The following BRINP3 variants were observed in gnomAD, a reference collection of about 807,000 sequenced individuals.
BRINP3 encodes the protein BMP/retinoic acid-inducible neural-specific protein 3.
Under a neutral mutation model 71.0 loss-of-function variants are expected in BRINP3, and 19 were observed. The observed-to-expected ratio is 0.27, with a 90% CI of 0.19 to 0.39. The LOEUF (loss-of-function observed/expected upper bound fraction) is 0.39, where lower values mean the gene tolerates loss of function less well. Ranked by LOEUF, BRINP3 falls within the 10% of genes least tolerant of loss-of-function variation. The pLI, the probability that BRINP3 is intolerant of heterozygous loss-of-function variation, is 1.00. For missense variants in BRINP3, 959 were observed against 940.8 expected (o/e 1.02, Z -0.25); for synonymous variants, 380 against 337.7 (o/e 1.13, Z -1.37).
intron 6 of BRINP3, among the ~76,000 whole-genome samples, chr1:190,178,906 G>T (rs1380180415): frequency 6.6e-6 from 1 of 152,090 alleles, no homozygotes; most frequent in Non-Finnish European, 1.5e-5. Context: ...AGAATTATTT[G>T]AAATATTTCC....
intron 4 of BRINP3, among the ~76,000 whole-genome samples, chr1:190,254,917 T>G (rs531827687): frequency 1.3e-5 from 2 of 152,290 alleles, no homozygotes; most frequent in Non-Finnish European, 2.9e-5. Flanking sequence ...TTGCCATAAA[T>G]AACTCTTATT....
At chr1:190,316,723 T>C (rs562350822) in intron 2 of BRINP3, among the ~76,000 whole-genome samples, 2 of 152,100 alleles carry the variant, frequency 1.3e-5, no homozygotes, top group African/African-American at 4.8e-5. Flanking sequence ...AACACATCAA[T>C]AATATTCATG....
At chr1:190,466,057 CATGT>C (rs1436039026) in intron 1 of BRINP3, among the ~76,000 whole-genome samples, 3 of 151,166 alleles carry the variant, frequency 2.0e-5, no homozygotes, top group African/African-American at 4.9e-5. Context: ...AGAATTTTGT[CATGT>C]AAGTGTCAAT....
intron 4 of BRINP3, among the ~76,000 whole-genome samples, chr1:190,248,646 G>T (rs1659835743): frequency 6.6e-6 from 1 of 150,898 alleles, no homozygotes; most frequent in Non-Finnish European, 1.5e-5. Flanking sequence ...CAATTTTTTT[G>T]CATTATGTCA....
intron 2 of BRINP3, among the ~76,000 whole-genome samples, chr1:190,416,711 C>A (rs1232487730): frequency 1.1e-4 from 16 of 152,002 alleles, no homozygotes; most frequent in Non-Finnish European, 7.4e-5. Context: ...ACATATTATC[C>A]CATATTATCT....
At chr1:190,263,102 TAAAATCATTTACAAC>T (rs1661338462) in intron 4 of BRINP3, among the ~76,000 whole-genome samples, 1 of 152,164 alleles carries the variant, frequency 6.6e-6, no homozygotes, top group Non-Finnish European at 1.5e-5. Context: ...AGCTATATAA[TAAAATCATTTACAAC>T]AATGATTTCT....
intron 1 of BRINP3, among the ~76,000 whole-genome samples, chr1:190,476,709 T>C (rs1027820631): frequency 2.6e-5 from 4 of 152,202 alleles, no homozygotes; most frequent in Non-Finnish European, 4.4e-5. Flanking sequence ...GGGTTTCTTC[T>C]GATTGCTCCT....
chr1:190,392,339 G>A (rs1006110063), intron 2 of BRINP3, among the ~76,000 whole-genome samples: 4 of 151,398 alleles, frequency 2.6e-5, no homozygotes, highest in East Asian at 1.9e-4. Flanking sequence ...TGTATATTAC[G>A]AGCTTCTTTC....
chr1:190,120,780 G>A (rs1370024084), intron 7 of BRINP3, among the ~76,000 whole-genome samples: 2 of 151,884 alleles, frequency 1.3e-5, no homozygotes. Context: ...GGTATTACAA[G>A]TGTGAGCCAC....
At chr1:190,444,513 A>G (rs551236163) in intron 2 of BRINP3, among the ~76,000 whole-genome samples, 28 of 151,538 alleles carry the variant, frequency 1.8e-4, no homozygotes, top group Middle Eastern at 6.8e-3. Flanking sequence ...TATGCTTTTT[A>G]TTTATTTATT....
intron 2 of BRINP3, among the ~76,000 whole-genome samples, chr1:190,376,661 T>C (rs1367424080): frequency 6.6e-6 from 1 of 152,076 alleles, no homozygotes; most frequent in Non-Finnish European, 1.5e-5. Flanking sequence ...TATTATAATT[T>C]CTTAAACATC....
intron 2 of BRINP3, among the ~76,000 whole-genome samples, chr1:190,339,679 C>T (rs902392741): frequency 2.0e-5 from 3 of 151,922 alleles, no homozygotes; most frequent in East Asian, 1.9e-4. Context: ...AACCGCCTCC[C>T]GTACTATTTA....
chr1:190,438,234 A>T (rs1463688432), intron 2 of BRINP3, among the ~76,000 whole-genome samples: 1 of 151,502 alleles, frequency 6.6e-6, no homozygotes, highest in African/African-American at 2.4e-5. Context: ...AGCTGCTTTG[A>T]CAATAATTAT....
At chr1:190,390,974 T>G (rs1671216653) in intron 2 of BRINP3, among the ~76,000 whole-genome samples, 1 of 151,786 alleles carries the variant, frequency 6.6e-6, no homozygotes, top group Non-Finnish European at 1.5e-5. Context: ...TTTAGAGTAA[T>G]TCTGAAGTTC....
chr1:190,282,442 A>T (rs1663110998), intron 2 of BRINP3, among the ~76,000 whole-genome samples: 1 of 151,970 alleles, frequency 6.6e-6, no homozygotes, highest in Non-Finnish European at 1.5e-5. Context: ...ATCTGATAAT[A>T]AATTAGAAAA....
chr1:190,454,897 A>T lies in BRINP3; in HGVS notation c.-7T>A. ...CTCTGCTTCGCCATATCATGCTTCC[A>T]CTGGGGATTTAGAGCCTTCATTCTC... On this transcript the variant is annotated 5_prime_UTR_variant, in exon 2 of 8. Transcript: ENST00000367462. 2 of 1,611,412 alleles carry T rather than the reference A, an allele frequency of 1.2e-6. No homozygotes were observed. The highest frequency in any genetic ancestry group is 2.2e-5 in the East Asian group (1 of 44,820).
chr1:190,425,635 C>A lies in BRINP3; in HGVS notation c.236+29020G>T, dbSNP rs538047233. On this transcript the variant is annotated intron_variant, in intron 2 of 7. Coordinates refer to ENST00000367462, the MANE Select transcript of BRINP3 (RefSeq NM_199051.3). Reference sequence around the variant, plus strand: ...CATATTATGGAAAAGACTTCCAGTTCACCCCTTTTACTAGAAACATGATCT... The same window carrying A: ...CATATTATGGAAAAGACTTCCAGTTAACCCCTTTTACTAGAAACATGATCT... 3.3e-5 allele frequency among the ~76,000 whole-genome samples: 5 copies of A among 151,844 alleles called. No homozygotes were observed. The South Asian group carries it at 1.0e-3, about 31-fold the overall frequency.
chr1:190,163,239 T>C (rs1009277421), intron 6 of BRINP3, among the ~76,000 whole-genome samples: 1 of 152,108 alleles, frequency 6.6e-6, no homozygotes, highest in Non-Finnish European at 1.5e-5. Context: ...GATAACATTT[T>C]ATCTTATAGG....
chr1:190,423,722 G>A lies in BRINP3; in HGVS notation c.236+30933C>T, dbSNP rs1003748565. On this transcript the variant is annotated intron_variant, in intron 2 of 7. Transcript: ENST00000367462. ...GAATTTCTCAAACTGTTGACTTTACGTATTTCTCCCAACTCCTCCACCCCC... is the reference window on the plus strand; with the variant it reads ...GAATTTCTCAAACTGTTGACTTTACATATTTCTCCCAACTCCTCCACCCCC... Among the ~76,000 whole-genome samples the A allele has an allele frequency of 2.6e-5, 4 of 151,576 alleles. No homozygotes were observed. In the East Asian group the frequency reaches 7.7e-4, roughly 29 times the overall value.
Sources: gnomAD v4.1 joint callset for allele counts (sites outside exome capture counted in the v4.1 genomes callset) on GRCh38, gnomAD v4.1.1 for gene constraint, MANE v1.5 for transcripts, NCBI Gene and HGNC (gene_info 2026-07-23, HGNC 2026-07-21) for gene names.